PCDHA3: variants seen among roughly 807,000 people sequenced by gnomAD.
PCDHA3 encodes protocadherin alpha-3.
In PCDHA3, 41 loss-of-function variants were observed where a neutral mutation model predicts 62.2. The ratio of observed to expected loss-of-function variants is 0.66; its 90% CI spans 0.51 to 0.86. PCDHA3 has a LOEUF of 0.86. Ranked by LOEUF, PCDHA3 falls within the 40% of genes least tolerant of loss-of-function variation. The pLI, the probability that PCDHA3 is intolerant of heterozygous loss-of-function variation, is 0.00. For missense variants in PCDHA3, 1,304 were observed against 1,241.2 expected (o/e 1.05, Z -0.76); for synonymous variants, 640 against 555.4 (o/e 1.15, Z -2.14).
At chr5:140,895,099 T>C (rs558310890) in intron 1 of PCDHA3, among the ~76,000 whole-genome samples, 1 of 152,326 alleles carries the variant, frequency 6.6e-6, no homozygotes, top group East Asian at 1.9e-4. Flanking sequence ...ATAGGGGTTT[T>C]TGCTACAAGA....
intron 1 of PCDHA3, chr5:140,841,338 G>C (rs2150313822): frequency 1.2e-6 from 2 of 1,611,372 alleles, no homozygotes; most frequent in South Asian, 1.1e-5. Flanking sequence ...TATCACTGGC[G>C]AGGAGAGCTG....
At chr5:140,817,150 A>C (rs1766074060) in intron 1 of PCDHA3, 1 of 152,244 alleles carries the variant, frequency 6.6e-6, no homozygotes, top group Non-Finnish European at 1.5e-5. Context: ...AGGTTCCATC[A>C]GTGCTCTGAG....
chr5:140,948,645 C>T (rs1468901970), intron 1 of PCDHA3, among the ~76,000 whole-genome samples: 1 of 151,562 alleles, frequency 6.6e-6, no homozygotes. Flanking sequence ...CATCTTTTAA[C>T]GTCTGTATAA....
rs2150477113 is a variant in PCDHA3, at chr5:140,850,276, T to G, written c.2394+46685T>G. 19 of 1,594,568 alleles carry G rather than the reference T, an allele frequency of 1.2e-5. 1 individual carries two copies. The highest frequency in any genetic ancestry group is 1.5e-5 in the Non-Finnish European group (18 of 1,167,356). ...GGCGCCGGCGTAGTGGTGGGGAAGG[T>G]GCGCGCAGTGGACGCCGACTCGGGC... is the stretch of plus-strand genomic sequence containing the variant. On this transcript the variant is annotated intron_variant, in intron 1 of 3. Coordinates refer to ENST00000522353, the MANE Select transcript of PCDHA3 (RefSeq NM_018906.3).
chr5:140,935,144 A>C (rs1289868558), intron 1 of PCDHA3, among the ~76,000 whole-genome samples: 1 of 152,184 alleles, frequency 6.6e-6, no homozygotes, highest in Non-Finnish European at 1.5e-5. Flanking sequence ...TGATACTTAG[A>C]GATATAATCT....
intron 1 of PCDHA3, among the ~76,000 whole-genome samples, chr5:140,905,747 C>T (rs2072054792): frequency 2.0e-5 from 3 of 152,156 alleles, no homozygotes; most frequent in South Asian, 2.1e-4. Context: ...AGAGATCTTT[C>T]ACCTCCTTGG....
intron 1 of PCDHA3, chr5:140,836,599 T>A (rs1166723338): frequency 6.2e-7 from 1 of 1,613,608 alleles, no homozygotes; most frequent in Admixed American, 1.7e-5. Context: ...AAGCCCACTC[T>A]GGTGTGCTCC....
At chr5:140,851,304 C>A in intron 1 of PCDHA3, 2 of 1,006,386 alleles carry the variant, frequency 2.0e-6, no homozygotes, top group Non-Finnish European at 2.4e-6. Flanking sequence ...AAATATATAG[C>A]AATTGTTACC....
chr5:140,869,318 G>A (rs1373742506), intron 1 of PCDHA3: 1 of 1,613,688 alleles, frequency 6.2e-7, no homozygotes, highest in South Asian at 1.1e-5. Flanking sequence ...AAAACACATG[G>A]GGACCTTCTG....
chr5:140,841,888 T>G, intron 1 of PCDHA3: 1 of 1,613,782 alleles, frequency 6.2e-7, no homozygotes, highest in East Asian at 2.2e-5. Context: ...ACGATGAGAA[T>G]AAACTGGTTG....
At chr5:140,855,874 T>C (rs1554147980) in intron 1 of PCDHA3, 13 of 866,802 alleles carry the variant, frequency 1.5e-5, no homozygotes, top group East Asian at 2.6e-5. Flanking sequence ...GTCCACAAAA[T>C]AGCTTTTTAG....
chr5:140,950,270 G>A (rs980703743), intron 1 of PCDHA3, among the ~76,000 whole-genome samples: 1 of 151,960 alleles, frequency 6.6e-6, no homozygotes, highest in East Asian at 1.9e-4. Flanking sequence ...TATCCATAAT[G>A]TCTTTTTGCT....
intron 1 of PCDHA3, among the ~76,000 whole-genome samples, chr5:140,846,137 A>G (rs1253647422): frequency 1.3e-5 from 2 of 149,716 alleles, no homozygotes; most frequent in Non-Finnish European, 3.0e-5. Flanking sequence ...TATGTTTCCC[A>G]TATTTAAAAG....
At chr5:140,827,936 C>T (rs1554130932) in intron 1 of PCDHA3, 4 of 1,115,020 alleles carry the variant, frequency 3.6e-6, no homozygotes, top group Non-Finnish European at 5.1e-6. Context: ...GAAGTTATAG[C>T]TAGCCAACAT....
At chr5:140,835,742 G>T in intron 1 of PCDHA3, 1 of 1,613,670 alleles carries the variant, frequency 6.2e-7, no homozygotes, top group Non-Finnish European at 8.5e-7. Flanking sequence ...ACAACGCCCC[G>T]GCGTTCGCGC....
At chr5:140,995,608 C>G (rs543938511) in intron 3 of PCDHA3, among the ~76,000 whole-genome samples, 1 of 152,206 alleles carries the variant, frequency 6.6e-6, no homozygotes, top group East Asian at 1.9e-4. Flanking sequence ...TTTCTTCTCC[C>G]AAACCAAATA....
intron 1 of PCDHA3, among the ~76,000 whole-genome samples, chr5:140,924,131 T>C (rs2081690578): frequency 6.6e-6 from 1 of 152,234 alleles, no homozygotes; most frequent in African/African-American, 2.4e-5. Flanking sequence ...CTTAGCAGCA[T>C]TAATTTAAAA....
Position 140,877,016 on chromosome 5 carries a change from G to T in PCDHA3, c.2394+73425G>T, listed in dbSNP as rs781790454. The T allele has an allele frequency of 4.7e-5, 76 of 1,612,480 alleles. No individual in the cohort carries two copies. The highest frequency in any genetic ancestry group is 4.0e-4 in the Middle Eastern group (2 of 5,052). The stretch of plus-strand genomic sequence containing the variant: ...TACGTGTCGGTGCACGCGGAGAGCG[G>T]CAAGGTGTACGCGCTGCAGCCGCTA... On this transcript the variant is annotated intron_variant, in intron 1 of 3. Coordinates refer to ENST00000522353, the MANE Select transcript of PCDHA3 (RefSeq NM_018906.3).
intron 3 of PCDHA3, among the ~76,000 whole-genome samples, chr5:140,995,371 C>T (rs143381591): frequency 1.3e-5 from 2 of 152,238 alleles, no homozygotes; most frequent in African/African-American, 2.4e-5. Flanking sequence ...GGATGATTCA[C>T]GTACTGGGCA....
Sources: allele counts gnomAD v4.1 joint callset (sites outside exome capture counted in the v4.1 genomes callset), GRCh38; gene constraint gnomAD v4.1.1; transcripts MANE v1.5; gene names NCBI Gene and HGNC (gene_info 2026-07-23, HGNC 2026-07-21).